The following ABCD2 variants were observed in gnomAD, a reference collection of about 807,000 sequenced individuals.
ABCD2 encodes the protein ATP-binding cassette sub-family D member 2.
A neutral mutation model predicts 70.9 loss-of-function variants in ABCD2; 36 were observed. The ratio of observed to expected loss-of-function variants is 0.51; its 90% confidence interval spans 0.39 to 0.67. The LOEUF (loss-of-function observed/expected upper bound fraction) is 0.67, where lower values mean the gene tolerates loss of function less well. ABCD2 is among the 30% of genes least tolerant of loss of function. ABCD2 has a pLI of 0.00. For missense variants in ABCD2, 729 were observed against 890.2 expected (o/e 0.82, Z 2.30); for synonymous variants, 304 against 306.9 (o/e 0.99, Z 0.10).
intron 9 of ABCD2, among the ~76,000 whole-genome samples, chr12:39,568,010 G>C (rs371579356): frequency 6.6e-6 from 1 of 151,836 alleles, no homozygotes; most frequent in East Asian, 1.9e-4. Context: ...TAGTCTGATG[G>C]GCTTCCCTTT....
At chr12:39,587,870 G>T (rs572283243) in intron 6 of ABCD2, among the ~76,000 whole-genome samples, 1 of 152,208 alleles carries the variant, frequency 6.6e-6, no homozygotes, top group African/African-American at 2.4e-5. Flanking sequence ...TGGAGGTGGG[G>T]ATGAATTAAT....
chr12:39,571,091 G>GA (rs1251059556), intron 9 of ABCD2, among the ~76,000 whole-genome samples: 1 of 152,008 alleles, frequency 6.6e-6, no homozygotes, highest in Non-Finnish European at 1.5e-5. Context: ...TGAGGATGTG[G>GA]AAAAAAGGGA....
intron 4 of ABCD2, 71 bp from the exon 5 acceptor site, chr12:39,604,077 G>T: frequency 1.9e-6 from 2 of 1,028,322 alleles, no homozygotes; most frequent in Non-Finnish European, 3.0e-6. Flanking sequence ...AAATTATTAT[G>T]CAGTATAACA....
intron 2 of ABCD2, among the ~76,000 whole-genome samples, chr12:39,610,377 T>C (rs1454493275): frequency 6.6e-6 from 1 of 152,170 alleles, no homozygotes; most frequent in East Asian, 1.9e-4. Context: ...AAAAGGCTGA[T>C]GAGCATTGGT....
chr12:39,575,728 T>C (rs529177972), intron 8 of ABCD2, among the ~76,000 whole-genome samples: 4 of 152,362 alleles, frequency 2.6e-5, no homozygotes, highest in African/African-American at 9.6e-5. Flanking sequence ...CTTCACTAGA[T>C]TGAATACCTA....
chr12:39,579,400 G>A (rs1430369822), intron 8 of ABCD2, 135 bp downstream of exon 8: 3 of 633,990 alleles, frequency 4.7e-6, no homozygotes, highest in Admixed American at 4.9e-5. Context: ...TGAACTCTAT[G>A]CACTAATTTT....
intron 6 of ABCD2, among the ~76,000 whole-genome samples, chr12:39,593,462 G>A (rs1037733080): frequency 1.3e-5 from 2 of 151,892 alleles, no homozygotes; most frequent in African/African-American, 4.8e-5. Context: ...ATGTTGCCAG[G>A]GCTAACCTTA....
chr12:39,608,681 C>T (rs1378906783), intron 2 of ABCD2, among the ~76,000 whole-genome samples: 3 of 151,882 alleles, frequency 2.0e-5, no homozygotes, highest in African/African-American at 4.8e-5. Flanking sequence ...GAGTGAGACC[C>T]TGCCTCAAAT....
At chr12:39,583,959 C>A (rs1941631560) in intron 7 of ABCD2, among the ~76,000 whole-genome samples, 2 of 151,986 alleles carry the variant, frequency 1.3e-5, no homozygotes, top group African/African-American at 4.8e-5. Context: ...CATGTTTTTG[C>A]TATTGTGTAT....
chr12:39,618,882 G>T lies in ABCD2; in HGVS notation c.734C>A (p.Thr245Asn). ...TGGGCTTGCTCCTCTGGATGTAGCA[G>T]TTTGAATGAGTGTATAGGAGGTCAG... ...VMLTSYTLIQ[T>N]ATSRGASPIG... is the part of the protein sequence containing the mutation. The change falls in exon 1 of 10, where the codon ACT (threonine) becomes AAT (asparagine). Residue 245 changes from threonine (T) to asparagine (N), a missense_variant. Thr to Asn is a moderately conservative substitution (Grantham distance 65, BLOSUM62 0). Coordinates refer to ENST00000308666, the MANE Select transcript of ABCD2 (RefSeq NM_005164.4). The T allele has an allele frequency of 6.2e-7, 1 of 1,614,202 alleles. No homozygotes were observed. Among genetic ancestry groups the T allele is most frequent in the Non-Finnish European group, 8.5e-7 (1 of 1,180,028 alleles).
At chr12:39,573,459 A>G (rs1941475333) in intron 9 of ABCD2, among the ~76,000 whole-genome samples, 1 of 152,128 alleles carries the variant, frequency 6.6e-6, no homozygotes, top group East Asian at 1.9e-4. Context: ...CTGGGTAATG[A>G]TAAATATTTT....
chr12:39,565,482 A>G (rs142224131), intron 9 of ABCD2, among the ~76,000 whole-genome samples: 11,210 of 152,224 alleles, frequency 0.074, 603 homozygotes, highest in South Asian at 0.28. Context: ...TCGATTTTGT[A>G]TCCTGAGACT....
At chr12:39,606,558 T>C (rs1187771646) in intron 3 of ABCD2, among the ~76,000 whole-genome samples, 1 of 152,252 alleles carries the variant, frequency 6.6e-6, no homozygotes, top group East Asian at 1.9e-4. Flanking sequence ...AAGTAATTTA[T>C]TACATCAACA....
chr12:39,604,916 T>C lies in ABCD2; in HGVS notation c.1251A>G (p.Ala417=), dbSNP rs1164723631. The C allele has an allele frequency of 6.3e-7, 1 of 1,587,930 alleles. No individual in the cohort carries two copies. Among genetic ancestry groups the C allele is most frequent in the East Asian group, 2.3e-5 (1 of 44,364 alleles). The change falls in exon 4 of 10, where the codon GCA becomes GCG. Residue 417 remains alanine (A), a synonymous_variant. Transcript: ENST00000308666. ...MSSYKEVTEL[A]GYTARVYNMF... is the part of the protein sequence containing the mutation. ...TATTGTACACTCGAGCAGTGTAGCC[T>C]GCTAATTCAGTGACCTAAAAGCAAC...
chr12:39,575,456 T>C lies in ABCD2; in HGVS notation c.1878-1615A>G, dbSNP rs767711267. On this transcript the variant is annotated intron_variant, in intron 8 of 9. Coordinates refer to ENST00000308666, the MANE Select transcript of ABCD2 (RefSeq NM_005164.4). ...GCATTAGGTAATATTGTTTCTCAGA[T>C]TTGCTTTCCTTTTTGCTTTGTGTAT... Among the ~76,000 whole-genome samples the C allele has an allele frequency of 1.1e-3, 173 of 152,294 alleles. 3 individuals carry two copies. The highest frequency in any genetic ancestry group is 6.8e-3 in the Middle Eastern group (2 of 294).
At chr12:39,533,772 C>T in the ABCD2 span, among the ~76,000 whole-genome samples, 1 of 152,142 alleles carries the variant, frequency 6.6e-6, no homozygotes, top group Non-Finnish European at 1.5e-5. Context: ...TTTCATCGTC[C>T]AAGAAGTATC....
intron 6 of ABCD2, among the ~76,000 whole-genome samples, chr12:39,588,808 T>C (rs1300305802): frequency 4.0e-5 from 6 of 151,018 alleles, no homozygotes; most frequent in Admixed American, 2.0e-4. Context: ...CAATGTCATA[T>C]AAAATAAAGA....
the ABCD2 span, among the ~76,000 whole-genome samples, chr12:39,538,753 G>GC: frequency 6.6e-6 from 1 of 152,218 alleles, no homozygotes; most frequent in African/African-American, 2.4e-5. Context: ...TCAACAGGGT[G>GC]CGTCAGCAAG....
At chr12:39,561,675 AC>A (rs982542615) in intron 9 of ABCD2, among the ~76,000 whole-genome samples, 1 of 152,126 alleles carries the variant, frequency 6.6e-6, no homozygotes, top group Non-Finnish European at 1.5e-5. Flanking sequence ...ATATATTTGA[AC>A]CCAACATCAG....
Sources: allele counts gnomAD v4.1 joint callset (sites outside exome capture counted in the v4.1 genomes callset), GRCh38; gene constraint gnomAD v4.1.1; transcripts MANE v1.5; gene names NCBI Gene and HGNC (gene_info 2026-07-23, HGNC 2026-07-21).